FHOD3: variants seen among roughly 807,000 people sequenced by gnomAD.
FHOD3 encodes FH1/FH2 domain-containing protein 3.
FHOD3 carries 90 observed loss-of-function variants against 173.0 expected under a neutral mutation model. The ratio of observed to expected loss-of-function variants is 0.52; its 90% confidence interval spans 0.44 to 0.62. The LOEUF (loss-of-function observed/expected upper bound fraction) is 0.62. Ranked by LOEUF, FHOD3 falls within the 20% of genes least tolerant of loss-of-function variation. FHOD3 has a pLI of 0.00. For synonymous variants in FHOD3, 828 were observed against 823.0 expected (o/e 1.01, Z -0.10); for missense variants, 1,945 against 2,034.7 (o/e 0.96, Z 0.85).
At chr18:36,748,175 T>C (rs8088288) in intron 24 of FHOD3, among the ~76,000 whole-genome samples, 2,136 of 152,228 alleles carry the variant, frequency 0.014, 52 homozygotes, top group African/African-American at 0.049. Flanking sequence ...TTTTGGAATT[T>C]AATTGTTCAA....
In FHOD3 at chr18:36,664,452, T is replaced by C. The variant is rs1847358241; in HGVS notation, c.1835+6264T>C. On this transcript the variant is annotated intron_variant, in intron 14 of 28. Coordinates refer to ENST00000590592, the MANE Select transcript of FHOD3 (RefSeq NM_001281740.3). ...CTGTAAGGCTAAATGTGGTCCTTAT[T>C]AATTGATTGCGTTACATCCAAAGCA... Among the ~76,000 whole-genome samples, 3 of 152,152 alleles carry C rather than the reference T, an allele frequency of 2.0e-5. No individual in the cohort carries two copies. In the South Asian group the frequency reaches 6.2e-4, roughly 32 times the overall value.
chr18:36,576,291 A>G lies in FHOD3; in HGVS notation c.512-160A>G, dbSNP rs377207137. ...TAGTGTTCGACACTTTCTCTCTGAAATGAGATTTAGTTAATTTCAGAGCTC... is the reference window on the plus strand; with the variant it reads ...TAGTGTTCGACACTTTCTCTCTGAAGTGAGATTTAGTTAATTTCAGAGCTC... On this transcript the variant is annotated intron_variant, in intron 5 of 28. Transcript: ENST00000590592. Among the ~76,000 whole-genome samples the G allele has an allele frequency of 3.8e-4, 58 of 152,336 alleles. No individual in the cohort carries two copies. The East Asian group carries it at 4.1e-3, about 11-fold the overall frequency.
chr18:36,621,334 T>C (rs1256439101), intron 9 of FHOD3, among the ~76,000 whole-genome samples: 1 of 152,206 alleles, frequency 6.6e-6, no homozygotes, highest in African/African-American at 2.4e-5. Context: ...GTATCAGTTA[T>C]CTTTTTCTGC....
At chr18:36,751,060 C>G (rs900027262) in intron 24 of FHOD3, among the ~76,000 whole-genome samples, 1 of 152,152 alleles carries the variant, frequency 6.6e-6, no homozygotes, top group Non-Finnish European at 1.5e-5. Context: ...AATCTGTAAA[C>G]TGCTTTGGGC....
chr18:36,575,011 C>T (rs946907701), intron 5 of FHOD3, among the ~76,000 whole-genome samples: 7 of 151,664 alleles, frequency 4.6e-5, no homozygotes, highest in African/African-American at 1.7e-4. Flanking sequence ...TGCTCTATCA[C>T]CCAGACTGGA....
intron 1 of FHOD3, among the ~76,000 whole-genome samples, chr18:36,347,197 C>G (rs186326403): frequency 6.6e-6 from 1 of 152,108 alleles, no homozygotes; most frequent in South Asian, 2.1e-4. Flanking sequence ...TAAAGTGAAA[C>G]GGAAAATGGC....
chr18:36,463,698 G>C (rs2052731661), intron 3 of FHOD3, among the ~76,000 whole-genome samples: 1 of 151,994 alleles, frequency 6.6e-6, no homozygotes, highest in Non-Finnish European at 1.5e-5. Flanking sequence ...GTTTCACCAT[G>C]TTGCCCAGGC....
chr18:36,737,652 A>T (rs1383148827), intron 20 of FHOD3, among the ~76,000 whole-genome samples: 1 of 152,194 alleles, frequency 6.6e-6, no homozygotes, highest in Admixed American at 6.5e-5. Flanking sequence ...GCCTGAATGC[A>T]CATCTGCAAT....
intron 5 of FHOD3, among the ~76,000 whole-genome samples, chr18:36,567,682 C>T (rs1347619790): frequency 2.6e-5 from 4 of 152,188 alleles, no homozygotes; most frequent in African/African-American, 9.7e-5. Flanking sequence ...CATTTTTCTT[C>T]TGGTATTCTC....
At chr18:36,529,479 A>C (rs2056682427) in intron 5 of FHOD3, among the ~76,000 whole-genome samples, 1 of 152,152 alleles carries the variant, frequency 6.6e-6, no homozygotes, top group Non-Finnish European at 1.5e-5. Context: ...AAATGGGCAT[A>C]GGGTTCTAGG....
intron 23 of FHOD3, among the ~76,000 whole-genome samples, chr18:36,746,202 C>A (rs2042150182): frequency 6.6e-6 from 1 of 152,226 alleles, no homozygotes; most frequent in Non-Finnish European, 1.5e-5. Flanking sequence ...CACTCTGTTA[C>A]ATCTGTCCCT....
At chr18:36,774,030 G>A (rs2043515621) in intron 28 of FHOD3, among the ~76,000 whole-genome samples, 1 of 152,204 alleles carries the variant, frequency 6.6e-6, no homozygotes, top group Non-Finnish European at 1.5e-5. Context: ...GTAGATTCCT[G>A]AGCTGCCTTT....
chr18:36,694,748 C>T (rs535262977), intron 17 of FHOD3, among the ~76,000 whole-genome samples: 12 of 152,258 alleles, frequency 7.9e-5, no homozygotes, highest in South Asian at 4.1e-4. Context: ...AGAACAGCTC[C>T]GAGCTGAGAG....
chr18:36,556,696 G>A (rs182741706), intron 5 of FHOD3, among the ~76,000 whole-genome samples: 151 of 152,176 alleles, frequency 9.9e-4, no homozygotes, highest in African/African-American at 3.4e-3. Flanking sequence ...AGTAGCCAGC[G>A]ACCTTTTAAA....
rs750520270 is a variant in FHOD3 at position 36,652,591 on chromosome 18, G to C, written c.1308G>C (p.Gly436=). Residue 436 remains glycine (G), a synonymous_variant, in exon 12 of 29, where the codon GGG becomes GGC. Coordinates refer to ENST00000590592, the MANE Select transcript of FHOD3 (RefSeq NM_001281740.3). ...GKDSKVGAAS[G]QSPTGRDAAP... ...ACAGCAAGGTCGGCGCTGCCTCAGG[G>C]CAGAGCCCCACTGGAAGGGATGCTG... 7 of 1,533,910 alleles carry C rather than the reference G, an allele frequency of 4.6e-6. No individual in the cohort carries two copies. Among genetic ancestry groups the C allele is most frequent in the Non-Finnish European group, 6.1e-6 (7 of 1,146,324 alleles).
At chr18:36,719,895 G>A (rs545790239) in intron 19 of FHOD3, among the ~76,000 whole-genome samples, 1 of 152,296 alleles carries the variant, frequency 6.6e-6, no homozygotes, top group East Asian at 1.9e-4. Flanking sequence ...AATGTGCTGG[G>A]ATTCTTAAGC....
intron 5 of FHOD3, among the ~76,000 whole-genome samples, chr18:36,520,678 G>A (rs1388547086): frequency 1.3e-5 from 2 of 152,206 alleles, no homozygotes; most frequent in Non-Finnish European, 2.9e-5. Flanking sequence ...AAGAGCCATT[G>A]TTGTCTCAGT....
chr18:36,745,151 G>T (rs2042088665), intron 23 of FHOD3, among the ~76,000 whole-genome samples: 1 of 152,166 alleles, frequency 6.6e-6, no homozygotes, highest in African/African-American at 2.4e-5. Flanking sequence ...CACAGCCCTG[G>T]CTTGTGGGGA....
rs532609709 is a variant in FHOD3, at chr18:36,748,382, A to AACACACACAC, written c.4232+1274_4232+1283dup. On this transcript the variant is annotated intron_variant, in intron 24 of 28. Coordinates refer to ENST00000590592, the MANE Select transcript of FHOD3 (RefSeq NM_001281740.3). ...CGCACGCGCACACACACACACACAC[A>AACACACACAC]ACACACACACACACACACACACACA... Among the ~76,000 whole-genome samples the AACACACACAC allele has an allele frequency of 2.0e-3, 287 of 143,562 alleles. 2 individuals carry two copies. Among genetic ancestry groups the AACACACACAC allele is most frequent in the African/African-American group, 6.5e-3 (251 of 38,610 alleles). The allele number at this position is 143,562 out of a possible 152,430, so 94.2% of individuals were successfully genotyped here.
Sources: allele counts gnomAD v4.1 joint callset (sites outside exome capture counted in the v4.1 genomes callset), GRCh38; gene constraint gnomAD v4.1.1; transcripts MANE v1.5; gene names NCBI Gene and HGNC (gene_info 2026-07-23, HGNC 2026-07-21).